CNTNAP5: variants seen among roughly 807,000 people sequenced by gnomAD.
The protein encoded by CNTNAP5 is contactin-associated protein-like 5.
CNTNAP5 carries 72 observed loss-of-function variants against 150.2 expected under a neutral mutation model. The observed-to-expected ratio is 0.48, with a 90% CI of 0.40 to 0.58. The LOEUF is 0.58. Among genes scored for constraint, CNTNAP5 ranks in the 20% least tolerant of loss-of-function variants. The probability of loss-of-function intolerance (pLI) is 0.00; values close to 1 mark genes in which losing one functional copy is unlikely to be tolerated. For missense variants in CNTNAP5, 1,636 were observed against 1,626.2 expected (o/e 1.01, Z -0.10); for synonymous variants, 672 against 619.8 (o/e 1.08, Z -1.25).
chr2:124,620,140 G>A (rs915523882), intron 12 of CNTNAP5, among the ~76,000 whole-genome samples: 1 of 151,798 alleles, frequency 6.6e-6, no homozygotes, highest in Non-Finnish European at 1.5e-5. Context: ...TAAGGAACAG[G>A]GTGTGATGAA....
intron 1 of CNTNAP5, among the ~76,000 whole-genome samples, chr2:124,045,309 T>A (rs1313011927): frequency 2.0e-5 from 3 of 150,522 alleles, no homozygotes; most frequent in African/African-American, 7.3e-5. Flanking sequence ...TTTTTTTTTT[T>A]AAATTTTGAG....
At chr2:124,864,865 T>A (rs757839509) in intron 19 of CNTNAP5, among the ~76,000 whole-genome samples, 2 of 152,172 alleles carry the variant, frequency 1.3e-5, no homozygotes, top group Non-Finnish European at 2.9e-5. Context: ...ATGGGCATTA[T>A]ATATCAACGG....
rs778725471 is a variant in CNTNAP5 at position 124,504,315 on chromosome 2, C to T, written c.1086C>T (p.Ser362=). 4.3e-6 allele frequency: 7 copies of T among 1,613,300 alleles called. No individual in the cohort carries two copies. The highest frequency in any genetic ancestry group is 2.2e-5 in the East Asian group (1 of 44,854). Reference sequence around the variant, plus strand: ...AGGGCAATGTCACTTTTTCCTGCTCCGAACCACAGATTGTGCCCATCACAT... The same window carrying T: ...AGGGCAATGTCACTTTTTCCTGCTCTGAACCACAGATTGTGCCCATCACAT... ...YTVGNVTFSC[S]EPQIVPITFV... Residue 362 remains serine, a synonymous_variant, in exon 8 of 24, where the codon TCC becomes TCT. Coordinates refer to ENST00000682447, the MANE Select transcript of CNTNAP5 (RefSeq NM_001367498.1).
intron 5 of CNTNAP5, among the ~76,000 whole-genome samples, chr2:124,434,898 T>A (rs2104795132): frequency 6.6e-6 from 1 of 152,354 alleles, no homozygotes; most frequent in Non-Finnish European, 1.5e-5. Context: ...CTCATTGTTA[T>A]GTATTTATTG....
chr2:124,627,629 T>C (rs1011042725), intron 12 of CNTNAP5, among the ~76,000 whole-genome samples: 4 of 151,362 alleles, frequency 2.6e-5, no homozygotes, highest in African/African-American at 9.7e-5. Context: ...GCAGAAACAC[T>C]GAAAAATCCC....
At chr2:124,844,066 G>T (rs1682998189) in intron 19 of CNTNAP5, among the ~76,000 whole-genome samples, 1 of 151,890 alleles carries the variant, frequency 6.6e-6, no homozygotes, top group African/African-American at 2.4e-5. Context: ...TGGGGTTCTT[G>T]GTCATGAAGT....
At chr2:124,087,941 G>A (rs1682730847) in intron 1 of CNTNAP5, among the ~76,000 whole-genome samples, 2 of 151,982 alleles carry the variant, frequency 1.3e-5, no homozygotes, top group African/African-American at 2.4e-5. Flanking sequence ...CATTGGGGTC[G>A]ATCCTATCTT....
intron 3 of CNTNAP5, among the ~76,000 whole-genome samples, chr2:124,376,142 C>T (rs900145035): frequency 3.3e-5 from 5 of 151,968 alleles, no homozygotes; most frequent in African/African-American, 4.8e-5. Context: ...GCAATAATTG[C>T]CTTTTGTTTC....
intron 3 of CNTNAP5, among the ~76,000 whole-genome samples, chr2:124,320,316 C>T (rs1689068731): frequency 6.6e-6 from 1 of 152,172 alleles, no homozygotes; most frequent in Non-Finnish European, 1.5e-5. Context: ...ACCTGCCCAC[C>T]AGCACTCATT....
Position 124,914,162 on chromosome 2 carries a change from C to G in CNTNAP5, c.3798C>G (p.His1266Gln). The G allele has an allele frequency of 6.2e-7, 1 of 1,612,504 alleles. No homozygotes were observed. Among genetic ancestry groups the G allele is most frequent in the Non-Finnish European group, 8.5e-7 (1 of 1,178,940 alleles). ...TCATGACCCGGTTCCTCTACCAGCA[C>G]AAGCAGTCACATCGTACGAGCCAGA... ...IGIMTRFLYQ[H>Q]KQSHRTSQMK... Residue 1266 changes from histidine (H) to glutamine (Q), a missense_variant, in exon 24 of 24, where the codon CAC becomes CAG. Physicochemically the swap from His to Gln is conservative, Grantham distance 24. Transcript: ENST00000682447.
chr2:124,517,186 T>C (rs372502556), intron 8 of CNTNAP5, among the ~76,000 whole-genome samples: 1 of 151,060 alleles, frequency 6.6e-6, no homozygotes, highest in Non-Finnish European at 1.5e-5. Flanking sequence ...TGTTGTGGTG[T>C]TGGTGGTGGA....
At chr2:124,691,510 C>G (rs934123355) in intron 13 of CNTNAP5, among the ~76,000 whole-genome samples, 8 of 152,032 alleles carry the variant, frequency 5.3e-5, no homozygotes, top group African/African-American at 1.4e-4. Context: ...GACTTCATTT[C>G]ATTTAGGGAT....
chr2:124,528,613 A>C (rs1695032018), intron 10 of CNTNAP5, among the ~76,000 whole-genome samples: 1 of 152,162 alleles, frequency 6.6e-6, no homozygotes. Flanking sequence ...GGTGTCTTAG[A>C]TTCAATAATA....
At chr2:124,369,677 G>T (rs1690468662) in intron 3 of CNTNAP5, among the ~76,000 whole-genome samples, 1 of 152,098 alleles carries the variant, frequency 6.6e-6, no homozygotes, top group South Asian at 2.1e-4. Flanking sequence ...TAAAGACAAG[G>T]TTTGTAAGAG....
intron 3 of CNTNAP5, among the ~76,000 whole-genome samples, chr2:124,271,951 G>A (rs1388402295): frequency 6.6e-6 from 1 of 152,140 alleles, no homozygotes; most frequent in Non-Finnish European, 1.5e-5. Context: ...CTGACCTCAA[G>A]TGATATGCCT....
At chr2:124,170,251 T>A (rs1025114893) in intron 1 of CNTNAP5, among the ~76,000 whole-genome samples, 1 of 26,934 alleles carries the variant, frequency 3.7e-5, no homozygotes, top group Admixed American at 5.9e-4. Context: ...TATATATATA[T>A]GTTTTTGTTT....
chr2:124,593,224 C>T (rs1314630307), intron 11 of CNTNAP5, among the ~76,000 whole-genome samples: 6 of 143,922 alleles, frequency 4.2e-5, no homozygotes, highest in Admixed American at 1.4e-4. Flanking sequence ...CATGCTGGTG[C>T]GCTGCACCCA....
chr2:124,426,809 A>G (rs1475216414), intron 4 of CNTNAP5, among the ~76,000 whole-genome samples: 1 of 152,214 alleles, frequency 6.6e-6, no homozygotes, highest in Non-Finnish European at 1.5e-5. Context: ...AAGCTGTGGC[A>G]GCCAGGTCAG....
At chr2:124,379,660 G>A (rs1040773878) in intron 3 of CNTNAP5, among the ~76,000 whole-genome samples, 4 of 152,034 alleles carry the variant, frequency 2.6e-5, no homozygotes, top group African/African-American at 9.7e-5. Context: ...CCACTCCTTG[G>A]GTTGCTGCTA....
Sources: allele counts gnomAD v4.1 joint callset (sites outside exome capture counted in the v4.1 genomes callset), GRCh38; gene constraint gnomAD v4.1.1; transcripts MANE v1.5; gene names NCBI Gene and HGNC (gene_info 2026-07-23, HGNC 2026-07-21).